JAZF1: variants seen among roughly 807,000 people sequenced by gnomAD.
JAZF1 encodes JAZF zinc finger 1.
JAZF1 carries 8 observed loss-of-function variants against 26.4 expected under a neutral mutation model. That is an observed-to-expected ratio of 0.30 (90% CI 0.18 to 0.55). JAZF1 has a LOEUF of 0.55. Ranked by LOEUF, JAZF1 falls within the 20% of genes least tolerant of loss-of-function variation. The pLI is 0.94. For missense variants in JAZF1, 199 were observed against 322.0 expected (o/e 0.62, Z 2.92); for synonymous variants, 126 against 122.3 (o/e 1.03, Z -0.20).
chr7:27,952,294 C>T (rs73683904), intron 2 of JAZF1, among the ~76,000 whole-genome samples: 4,004 of 152,236 alleles, frequency 0.026, 159 homozygotes, highest in African/African-American at 0.091. Context: ...GAAGACATTT[C>T]GGAGGAGGTA....
chr7:28,075,937 T>C (rs186451698), intron 1 of JAZF1, among the ~76,000 whole-genome samples: 1 of 152,360 alleles, frequency 6.6e-6, no homozygotes, highest in African/African-American at 2.4e-5. Flanking sequence ...CTTCTACAGG[T>C]ATTCAGAGCA....
At chr7:27,897,734 C>T (rs977537676) in intron 2 of JAZF1, among the ~76,000 whole-genome samples, 1 of 152,216 alleles carries the variant, frequency 6.6e-6, no homozygotes, top group East Asian at 1.9e-4. Flanking sequence ...GCTTTGGCTC[C>T]TATGGGGCGT....
intron 1 of JAZF1, among the ~76,000 whole-genome samples, chr7:28,141,716 G>A (rs1782961136): frequency 6.6e-6 from 1 of 152,188 alleles, no homozygotes; most frequent in Non-Finnish European, 1.5e-5. Context: ...CTGATGTTAG[G>A]TGCTTGACAG....
intron 2 of JAZF1, among the ~76,000 whole-genome samples, chr7:27,986,451 A>G (rs1339641214): frequency 1.3e-5 from 2 of 152,228 alleles, no homozygotes; most frequent in East Asian, 1.9e-4. Flanking sequence ...CCACTGCTCA[A>G]TGAAATAAAA....
intron 1 of JAZF1, among the ~76,000 whole-genome samples, chr7:28,156,418 A>C (rs908534817): frequency 2.6e-5 from 4 of 152,222 alleles, no homozygotes; most frequent in Admixed American, 6.5e-5. Flanking sequence ...TGATTTGTCT[A>C]TTTTGACTTG....
chr7:27,831,245 A>T lies in JAZF1; in HGVS notation c.*1555T>A, dbSNP rs1185734750. ...ATAGAGGTTTACTCATCTAACAAAC[A>T]GAACTGTCATCCTTTCAAAATGTCT... is the stretch of plus-strand genomic sequence containing the variant. On this transcript the variant is annotated 3_prime_UTR_variant, in exon 5 of 5. Coordinates refer to ENST00000283928, the MANE Select transcript of JAZF1 (RefSeq NM_175061.4). 4.4e-6 allele frequency: 1 copy of T among 225,320 alleles called. No individual in the cohort carries two copies. The highest frequency in any genetic ancestry group is 6.4e-5 in the East Asian group (1 of 15,528). The allele number at this position is 225,320 out of a possible 1,614,324, so 14.0% of individuals were successfully genotyped here. A position where few individuals can be genotyped will look rare whatever the true frequency, so the allele number is the denominator to read the frequency against.
chr7:28,041,731 A>C (rs1257052436), intron 1 of JAZF1, among the ~76,000 whole-genome samples: 1 of 152,144 alleles, frequency 6.6e-6, no homozygotes, highest in Non-Finnish European at 1.5e-5. Flanking sequence ...CTTTTTATTA[A>C]TAAATCTTCA....
At chr7:28,052,577 G>T (rs1401195809) in intron 1 of JAZF1, among the ~76,000 whole-genome samples, 1 of 152,172 alleles carries the variant, frequency 6.6e-6, no homozygotes, top group East Asian at 1.9e-4. Context: ...AGGAATTGCA[G>T]AAGTATTCAA....
At chr7:27,900,788 A>G (rs1280600614) in intron 2 of JAZF1, among the ~76,000 whole-genome samples, 1 of 152,218 alleles carries the variant, frequency 6.6e-6, no homozygotes, top group African/African-American at 2.4e-5. Flanking sequence ...TTATGTTTAA[A>G]AAGTTTTTTA....
At chr7:28,014,478 T>C (rs766296327) in intron 1 of JAZF1, among the ~76,000 whole-genome samples, 1 of 152,204 alleles carries the variant, frequency 6.6e-6, no homozygotes, top group African/African-American at 2.4e-5. Flanking sequence ...TCCCATGCTG[T>C]TGTTGTGACA....
intron 3 of JAZF1, chr7:27,843,896 T>C (rs1217910259): frequency 2.0e-5 from 3 of 152,302 alleles, no homozygotes; most frequent in South Asian, 4.1e-4. Context: ...GAGTAGCACA[T>C]GGTAAGAAAA....
At chr7:28,071,311 T>C (rs1415001274) in intron 1 of JAZF1, among the ~76,000 whole-genome samples, 1 of 152,182 alleles carries the variant, frequency 6.6e-6, no homozygotes, top group Non-Finnish European at 1.5e-5. Context: ...TCCACTTTTA[T>C]GCACCAGGAC....
intron 1 of JAZF1, among the ~76,000 whole-genome samples, chr7:28,138,310 T>G (rs180861074): frequency 1.3e-5 from 2 of 152,174 alleles, no homozygotes; most frequent in African/African-American, 4.8e-5. Context: ...AAGTTAATAA[T>G]GGCCTAAATA....
At chr7:27,844,615 T>C (rs1253060122) in intron 3 of JAZF1, 3 of 152,238 alleles carry the variant, frequency 2.0e-5, no homozygotes, top group Non-Finnish European at 4.4e-5. Flanking sequence ...TGTACTAATA[T>C]ATCATTGCAG....
At chr7:27,995,765 T>C (rs766206991) in intron 1 of JAZF1, among the ~76,000 whole-genome samples, 14 of 152,152 alleles carry the variant, frequency 9.2e-5, no homozygotes, top group Non-Finnish European at 1.5e-4. Flanking sequence ...CAGGTACAAA[T>C]TGAAAGCTTT....
intron 2 of JAZF1, among the ~76,000 whole-genome samples, chr7:27,897,528 C>T (rs549317877): frequency 2.0e-5 from 3 of 152,222 alleles, no homozygotes; most frequent in African/African-American, 7.2e-5. Context: ...AGTGTGTCAA[C>T]TATGTTACTA....
chr7:27,973,960 G>A (rs900403911), intron 2 of JAZF1, among the ~76,000 whole-genome samples: 2 of 152,316 alleles, frequency 1.3e-5, no homozygotes, highest in South Asian at 4.1e-4. Flanking sequence ...GCATTCAAGA[G>A]GCGATGAGGA....
At chr7:27,912,038 T>G (rs760909948) in intron 2 of JAZF1, among the ~76,000 whole-genome samples, 2 of 152,236 alleles carry the variant, frequency 1.3e-5, no homozygotes, top group Non-Finnish European at 2.9e-5. Context: ...CATTTATATC[T>G]TCCAGCTCAG....
At chr7:28,018,851 AG>A (rs1169069277) in intron 1 of JAZF1, among the ~76,000 whole-genome samples, 1 of 152,184 alleles carries the variant, frequency 6.6e-6, no homozygotes, top group African/African-American at 2.4e-5. Context: ...AGCTGCTGCG[AG>A]GGGAAAACTT....
Sources: allele counts gnomAD v4.1 joint callset (sites outside exome capture counted in the v4.1 genomes callset), GRCh38; gene constraint gnomAD v4.1.1; transcripts MANE v1.5; gene names NCBI Gene and HGNC (gene_info 2026-07-23, HGNC 2026-07-21).